Variants in CNTN3 observed in about 807,000 individuals in gnomAD.
CNTN3 encodes contactin-3.
Under a neutral mutation model 119.1 loss-of-function variants are expected in CNTN3, and 60 were observed. The observed-to-expected ratio is 0.50, with a 90% CI of 0.41 to 0.62. The LOEUF is 0.62. Among genes scored for constraint, CNTN3 ranks in the 20% least tolerant of loss-of-function variants. The probability of loss-of-function intolerance (pLI) is 0.00; values close to 1 mark genes in which losing one functional copy is unlikely to be tolerated. For synonymous variants in CNTN3, 450 were observed against 438.7 expected, an observed-to-expected ratio of 1.03 and a Z score of -0.32; for missense variants, 1,101 against 1,242.4, an observed-to-expected ratio of 0.89 and a Z score of 1.71.
chr3:74,266,498 C>T lies in CNTN3; in HGVS notation c.2969G>A (p.Arg990Lys). The change falls in exon 22 of 23, where the codon AGG becomes AAG. Residue 990 changes from arginine to lysine, a missense_variant. Coordinates refer to ENST00000263665, the MANE Select transcript of CNTN3 (RefSeq NM_020872.3). Reference protein sequence around the residue: ...GGDGTSSEQIRIPRITSMDAR... With the variant: ...GGDGTSSEQIKIPRITSMDAR... ...CAACTTACTGGTTATTCGTGGAATC[C>T]TGATCTGTTCACTACTGGTCCCATC... is the stretch of plus-strand genomic sequence containing the variant. The T allele has an allele frequency of 6.2e-7, 1 of 1,613,150 alleles. No homozygotes were observed. The highest frequency in any genetic ancestry group is 8.5e-7 in the Non-Finnish European group (1 of 1,179,392).
At chr3:74,317,451 A>G (rs1167041445) in intron 13 of CNTN3, among the ~76,000 whole-genome samples, 2 of 151,566 alleles carry the variant, frequency 1.3e-5, no homozygotes, top group African/African-American at 4.9e-5. Context: ...TTTACATTTT[A>G]GCATGTTTTT....
chr3:74,453,142 G>A lies in CNTN3; in HGVS notation c.359-28202C>T, dbSNP rs564592088. 7.0e-3 allele frequency among the ~76,000 whole-genome samples: 1,066 copies of A among 152,028 alleles called. 9 individuals carry two copies. Among genetic ancestry groups the A allele is most frequent in the African/African-American group, 0.024 (992 of 41,436 alleles). ...CAGAATTCGGCTGTGAATCCATCTG[G>A]TCCTGGACTCTTTTTGGTTGGTAAG... On this transcript the variant is annotated intron_variant, in intron 4 of 22. Transcript: ENST00000263665.
chr3:74,608,883 T>C (rs1705034723), intron 1 of CNTN3, among the ~76,000 whole-genome samples: 2 of 152,080 alleles, frequency 1.3e-5, no homozygotes, highest in Non-Finnish European at 2.9e-5. Flanking sequence ...AGAAACAAAA[T>C]TTAAATGGTC....
chr3:74,612,339 T>C (rs909305027), intron 1 of CNTN3, among the ~76,000 whole-genome samples: 2 of 152,232 alleles, frequency 1.3e-5, no homozygotes, highest in Admixed American at 1.3e-4. Flanking sequence ...ACGGCTAATC[T>C]TCTCTCTACT....
chr3:74,265,138 G>C (rs779965558), intron 22 of CNTN3, among the ~76,000 whole-genome samples: 5 of 152,096 alleles, frequency 3.3e-5, no homozygotes, highest in African/African-American at 9.7e-5. Flanking sequence ...TGCATTTCCA[G>C]ATAAATTATT....
At chr3:74,453,241 T>C (rs1407746861) in intron 4 of CNTN3, among the ~76,000 whole-genome samples, 1 of 107,232 alleles carries the variant, frequency 9.3e-6, no homozygotes, top group South Asian at 2.4e-4. Flanking sequence ...TGGTTTAGTC[T>C]TGGAAGAGTG....
At chr3:74,341,212 T>C (rs547991426) in intron 11 of CNTN3, among the ~76,000 whole-genome samples, 3 of 152,310 alleles carry the variant, frequency 2.0e-5, no homozygotes, top group Non-Finnish European at 4.4e-5. Flanking sequence ...TTGCACAACA[T>C]AAAAATAAAC....
At chr3:74,598,337 A>G (rs1704847774) in intron 1 of CNTN3, among the ~76,000 whole-genome samples, 1 of 152,076 alleles carries the variant, frequency 6.6e-6, no homozygotes, top group Non-Finnish European at 1.5e-5. Context: ...CAACCTTGTA[A>G]GTGAAGACAT....
intron 13 of CNTN3, among the ~76,000 whole-genome samples, chr3:74,311,401 A>T (rs1370760054): frequency 6.6e-6 from 1 of 152,214 alleles, no homozygotes; most frequent in African/African-American, 2.4e-5. Context: ...TAAAGTTAGG[A>T]TAAGAAAAAA....
At chr3:74,586,688 T>G (rs1200131509) in intron 1 of CNTN3, among the ~76,000 whole-genome samples, 1 of 152,048 alleles carries the variant, frequency 6.6e-6, no homozygotes, top group Non-Finnish European at 1.5e-5. Context: ...GAATTCATAT[T>G]CATAAGGCAC....
intron 13 of CNTN3, among the ~76,000 whole-genome samples, chr3:74,333,390 C>G (rs1307699133): frequency 6.6e-6 from 1 of 152,230 alleles, no homozygotes; most frequent in South Asian, 2.1e-4. Flanking sequence ...CCTGCAAAAT[C>G]TCTAAGGGGA....
intron 11 of CNTN3, among the ~76,000 whole-genome samples, chr3:74,344,396 G>GTTTTTTTTTTTTTTTTTT (rs1274539668): frequency 1.1e-5 from 1 of 87,812 alleles, no homozygotes; most frequent in Non-Finnish European, 2.3e-5. Flanking sequence ...CTTACACAGT[G>GTTTTTTTTTTTTTTTTTT]GTTTTTTTTT....
At chr3:74,588,244 C>A (rs146392270) in intron 1 of CNTN3, among the ~76,000 whole-genome samples, 2,200 of 152,178 alleles carry the variant, frequency 0.014, 48 homozygotes, top group African/African-American at 0.05. Context: ...AGCTGATAAG[C>A]AACTTCAGCA....
chr3:74,459,241 T>C (rs1702321986), intron 4 of CNTN3, among the ~76,000 whole-genome samples: 1 of 151,964 alleles, frequency 6.6e-6, no homozygotes, highest in Admixed American at 6.6e-5. Context: ...CAGAGGGACC[T>C]CACTATCATC....
chr3:74,452,943 G>T (rs76678572), intron 4 of CNTN3, among the ~76,000 whole-genome samples: 18,842 of 147,976 alleles, frequency 0.13, 1,483 homozygotes, highest in East Asian at 0.43. Context: ...GATTTTTGCA[G>T]CAATGTTCAT....
At chr3:74,405,758 C>T (rs891728690) in intron 5 of CNTN3, among the ~76,000 whole-genome samples, 2 of 152,008 alleles carry the variant, frequency 1.3e-5, no homozygotes, top group African/African-American at 4.8e-5. Flanking sequence ...GCCTATATAG[C>T]CATTTACATA....
chr3:74,270,936 A>C (rs544802862), intron 20 of CNTN3, among the ~76,000 whole-genome samples: 1 of 152,340 alleles, frequency 6.6e-6, no homozygotes, highest in South Asian at 2.1e-4. Context: ...ATATCACAAC[A>C]CTAATTGACA....
At chr3:74,532,210 A>C (rs1013284773) in intron 1 of CNTN3, among the ~76,000 whole-genome samples, 15 of 151,950 alleles carry the variant, frequency 9.9e-5, no homozygotes, top group African/African-American at 3.4e-4. Context: ...AGAATCAGCT[A>C]TTCTTTCAAT....
intron 1 of CNTN3, among the ~76,000 whole-genome samples, chr3:74,528,381 T>C (rs1703648920): frequency 1.3e-5 from 2 of 151,956 alleles, no homozygotes; most frequent in South Asian, 2.1e-4. Context: ...AATAGTAATG[T>C]AATAATACTA....
Sources: allele counts gnomAD v4.1 joint callset (sites outside exome capture counted in the v4.1 genomes callset), GRCh38; gene constraint gnomAD v4.1.1; transcripts MANE v1.5; gene names NCBI Gene and HGNC (gene_info 2026-07-23, HGNC 2026-07-21).